The following ASTN2 variants were observed in gnomAD, a reference collection of about 807,000 sequenced individuals.
ASTN2 encodes astrotactin-2.
Under a neutral mutation model 139.8 loss-of-function variants are expected in ASTN2, and 54 were observed. The ratio of observed to expected loss-of-function variants is 0.39; its 90% CI spans 0.31 to 0.48. The LOEUF is 0.48. Ranked by LOEUF, ASTN2 falls within the 20% of genes least tolerant of loss-of-function variation. ASTN2 has a pLI of 0.95. For missense variants in ASTN2, 1,565 were observed against 1,725.1 expected (o/e 0.91, Z 1.64); for synonymous variants, 756 against 719.5 (o/e 1.05, Z -0.81).
chr9:116,927,267 C>T (rs1234406763), intron 10 of ASTN2, among the ~76,000 whole-genome samples: 1 of 152,110 alleles, frequency 6.6e-6, no homozygotes, highest in Non-Finnish European at 1.5e-5. Context: ...TTCTGATCTC[C>T]CAAAAGACTG....
At chr9:116,434,981 A>G (rs1847605917) in intron 22 of ASTN2, among the ~76,000 whole-genome samples, 1 of 152,188 alleles carries the variant, frequency 6.6e-6, no homozygotes, top group African/African-American at 2.4e-5. Context: ...AGTCCAAGAG[A>G]ATCCTAATAG....
Position 117,414,643 on chromosome 9 carries a change from G to GCGGATC in ASTN2, c.295_296insGATCCG (p.Ala98_Ala99insGlySer). 2.9e-6 allele frequency: 4 copies of GCGGATC among 1,387,014 alleles called. No individual in the cohort carries two copies. Among genetic ancestry groups the GCGGATC allele is most frequent in the Non-Finnish European group, 3.7e-6 (4 of 1,075,206 alleles). 85.9% of individuals were successfully genotyped at this position (1,387,014 alleles called of 1,614,324 possible). A position where few individuals can be genotyped will look rare whatever the true frequency, so the allele number is the denominator to read the frequency against. On this transcript the variant is annotated inframe_insertion, in exon 1 of 23. Coordinates refer to ENST00000313400, the MANE Select transcript of ASTN2 (RefSeq NM_001365068.1). This position sits in a 1 kb window ranked among gnomAD's most constrained non-coding sequence, Gnocchi z 4.2. ...AGAGCCCGGGGACGCGGCGGCGGCG[G>GCGGATC]CGGCTCCGGCCCCGGTCCCAGCCCC...
intron 16 of ASTN2, among the ~76,000 whole-genome samples, chr9:116,693,509 C>G (rs572584943): frequency 4.3e-4 from 65 of 152,200 alleles, no homozygotes; most frequent in African/African-American, 1.5e-3. Context: ...AGATTCTCAT[C>G]GGGAGCTGAA....
intron 20 of ASTN2, among the ~76,000 whole-genome samples, chr9:116,467,305 T>C (rs554092176): frequency 6.4e-4 from 97 of 152,194 alleles, no homozygotes; most frequent in Non-Finnish European, 9.7e-4. Context: ...TCTCGCTCTG[T>C]CACCAGGCTG....
Position 116,846,674 on chromosome 9 carries a change from C to T in ASTN2, c.2040+16909G>A, listed in dbSNP as rs552027654. On this transcript the variant is annotated intron_variant, in intron 11 of 22. Coordinates refer to ENST00000313400, the MANE Select transcript of ASTN2 (RefSeq NM_001365068.1). ...TTACCATCCTTGCTTTGGGCACATC[C>T]CTGCCCTTCTCTGGCCGTCAATCTT... is the stretch of plus-strand genomic sequence containing the variant. 5.9e-5 allele frequency among the ~76,000 whole-genome samples: 9 copies of T among 152,262 alleles called. No individual in the cohort carries two copies. In the South Asian group the frequency reaches 1.5e-3, roughly 25 times the overall value.
chr9:116,561,888 T>C (rs1283466515), intron 19 of ASTN2: 2 of 152,242 alleles, frequency 1.3e-5, no homozygotes, highest in South Asian at 2.1e-4. Flanking sequence ...TGACTTCCTC[T>C]CAATTCACAC....
At chr9:116,496,569 C>G (rs1483986635) in intron 19 of ASTN2, among the ~76,000 whole-genome samples, 1 of 152,164 alleles carries the variant, frequency 6.6e-6, no homozygotes, top group Admixed American at 6.5e-5. Flanking sequence ...ACAAGATACC[C>G]CCCAGAACTG....
chr9:116,852,824 C>T (rs1588354392), intron 11 of ASTN2, among the ~76,000 whole-genome samples: 2 of 151,406 alleles, frequency 1.3e-5, no homozygotes, highest in African/African-American at 2.4e-5. Flanking sequence ...AAGCATAGCT[C>T]TTGTGCTCTT....
chr9:116,990,881 C>T (rs1836832157), intron 7 of ASTN2, among the ~76,000 whole-genome samples: 1 of 152,150 alleles, frequency 6.6e-6, no homozygotes, highest in Non-Finnish European at 1.5e-5. Flanking sequence ...TCACTTCTGG[C>T]CATTGGAGAG....
At chr9:116,964,279 A>G (rs1835954486) in intron 10 of ASTN2, among the ~76,000 whole-genome samples, 1 of 136,174 alleles carries the variant, frequency 7.3e-6, no homozygotes, top group Admixed American at 7.2e-5. Context: ...GTGTGTGTTG[A>G]CTACTGGGTG....
intron 10 of ASTN2, among the ~76,000 whole-genome samples, chr9:116,943,975 G>A (rs932247242): frequency 6.6e-6 from 1 of 151,824 alleles, no homozygotes; most frequent in Non-Finnish European, 1.5e-5. Flanking sequence ...CTTGTTCATT[G>A]TGAAGACGGA....
intron 19 of ASTN2, chr9:116,562,037 A>T (rs62574426): frequency 0.16 from 24,118 of 152,214 alleles, 2,069 homozygotes; most frequent in African/African-American, 0.21. Context: ...GGTGGCTGCC[A>T]CAGGCGATGA....
intron 5 of ASTN2, among the ~76,000 whole-genome samples, chr9:117,046,504 C>T (rs943354745): frequency 2.0e-5 from 3 of 152,144 alleles, no homozygotes. Flanking sequence ...CTGACATATA[C>T]TTAGGGCTCT....
intron 11 of ASTN2, among the ~76,000 whole-genome samples, chr9:116,856,680 T>C (rs1372061201): frequency 6.6e-6 from 1 of 152,236 alleles, no homozygotes; most frequent in Admixed American, 6.5e-5. Context: ...GCAGCTCTTG[T>C]TGTTGTCTCT....
In ASTN2 at chr9:116,892,391, G is replaced by A. The variant is rs181820512; in HGVS notation, c.1890-28658C>T. Among the ~76,000 whole-genome samples the A allele has an allele frequency of 7.0e-3, 1,070 of 152,232 alleles. 10 individuals carry two copies. The highest frequency in any genetic ancestry group is 9.8e-3 in the South Asian group (47 of 4,820). On this transcript the variant is annotated intron_variant, in intron 10 of 22. Coordinates refer to ENST00000313400, the MANE Select transcript of ASTN2 (RefSeq NM_001365068.1). ...GTCTTAGCTTAGGAACGGTTTTAAG[G>A]TGTAGATGCCAGTCTTATATACCAG...
At chr9:116,909,611 T>C (rs148111772) in intron 10 of ASTN2, among the ~76,000 whole-genome samples, 22 of 152,294 alleles carry the variant, frequency 1.4e-4, no homozygotes, top group African/African-American at 4.8e-4. Flanking sequence ...AACTTCAGCA[T>C]TGAATGAAAT....
chr9:117,223,789 C>T (rs1402409484), intron 2 of ASTN2, among the ~76,000 whole-genome samples: 2 of 152,066 alleles, frequency 1.3e-5, no homozygotes, highest in Non-Finnish European at 2.9e-5. Context: ...CTATAGTTAG[C>T]TATATTTATC....
chr9:116,955,880 G>A (rs1309014876), intron 10 of ASTN2, among the ~76,000 whole-genome samples: 2 of 152,096 alleles, frequency 1.3e-5, no homozygotes, highest in East Asian at 3.8e-4. Context: ...AGCCATCTCT[G>A]CATGCAGGAG....
chr9:117,091,577 G>A (rs1355527391), intron 5 of ASTN2, among the ~76,000 whole-genome samples: 2 of 152,018 alleles, frequency 1.3e-5, no homozygotes, highest in Non-Finnish European at 1.5e-5. Flanking sequence ...CGTGATGGGG[G>A]GGCAGGTGAA....
Sources: gnomAD v4.1 joint callset for allele counts (sites outside exome capture counted in the v4.1 genomes callset) on GRCh38, gnomAD v4.1.1 for gene constraint, Gnocchi (gnomAD v3.1) non-coding constraint, MANE v1.5 for transcripts, NCBI Gene and HGNC (gene_info 2026-07-23, HGNC 2026-07-21) for gene names.